MYL4: variants seen among roughly 807,000 people sequenced by gnomAD.
The protein encoded by MYL4 is atrial myosin light chain 1.
In MYL4, 16 loss-of-function variants were observed where a neutral mutation model predicts 21.6. The observed-to-expected ratio is 0.74, with a 90% CI of 0.50 to 1.12. The LOEUF is 1.12. Among genes scored for constraint, MYL4 ranks in the 50% most tolerant of loss-of-function variants. The pLI is 0.00. For missense variants in MYL4, 249 were observed against 252.9 expected, an observed-to-expected ratio of 0.98 and a Z score of 0.11; for synonymous variants, 82 against 95.7, an observed-to-expected ratio of 0.86 and a Z score of 0.83.
upstream of MYL4, among the ~76,000 whole-genome samples, chr17:47,195,601 C>T (rs2064686701): frequency 6.6e-6 from 1 of 152,124 alleles, no homozygotes; most frequent in Admixed American, 6.6e-5. Flanking sequence ...TCAGGTGATC[C>T]GCCTGCCATG....
chr17:47,216,778 T>G (rs1457911459), intron 2 of MYL4, among the ~76,000 whole-genome samples: 1 of 151,000 alleles, frequency 6.6e-6, no homozygotes, highest in African/African-American at 2.4e-5. Flanking sequence ...CACCGCAACC[T>G]CCGCCTCCCG....
downstream of MYL4, among the ~76,000 whole-genome samples, chr17:47,225,584 C>A (rs1278952499): frequency 1.3e-5 from 2 of 152,140 alleles, no homozygotes; most frequent in Non-Finnish European, 2.9e-5. Flanking sequence ...GAAAACAGAT[C>A]CTTAAATGGG....
chr17:47,216,436 T>G (rs2064815232), intron 2 of MYL4, among the ~76,000 whole-genome samples: 1 of 152,058 alleles, frequency 6.6e-6, no homozygotes. Flanking sequence ...GGTCTCCTTC[T>G]CTTCCTCCTT....
intron 2 of MYL4, among the ~76,000 whole-genome samples, chr17:47,215,971 G>T (rs542156365): frequency 2.0e-5 from 3 of 152,076 alleles, no homozygotes; most frequent in African/African-American, 7.2e-5. Context: ...AGAGATGGGG[G>T]TCTCGCTATT....
chr17:47,211,852 A>G (rs2064778285), intron 1 of MYL4, among the ~76,000 whole-genome samples: 1 of 141,984 alleles, frequency 7.0e-6, no homozygotes, highest in Admixed American at 6.9e-5. Flanking sequence ...AACCACCACC[A>G]GTGGAGAGGG....
upstream of MYL4, among the ~76,000 whole-genome samples, chr17:47,206,024 G>A (rs114538058): frequency 6.6e-6 from 1 of 152,106 alleles, no homozygotes. Flanking sequence ...GAACATCTTC[G>A]AATGTTTCCT....
upstream of MYL4, among the ~76,000 whole-genome samples, chr17:47,205,725 A>G (rs1229240431): frequency 2.0e-5 from 3 of 152,204 alleles, no homozygotes; most frequent in East Asian, 1.9e-4. Context: ...GTGGTTGGGC[A>G]TGCCTTCTCT....
intron 2 of MYL4, among the ~76,000 whole-genome samples, chr17:47,217,272 C>T (rs1033404038): frequency 1.3e-5 from 2 of 151,920 alleles, no homozygotes; most frequent in African/African-American, 4.8e-5. Flanking sequence ...GCCTGGCCAA[C>T]GTGGTGAAAC....
At chr17:47,211,517 T>C (rs1444766732) in intron 1 of MYL4, among the ~76,000 whole-genome samples, 1 of 152,246 alleles carries the variant, frequency 6.6e-6, no homozygotes, top group Non-Finnish European at 1.5e-5. Flanking sequence ...TGTTTATTCC[T>C]GGTTCTTAAA....
upstream of MYL4, among the ~76,000 whole-genome samples, chr17:47,208,550 TACACACACACACACAC>T (rs55886095): frequency 5.5e-5 from 8 of 145,870 alleles, no homozygotes; most frequent in African/African-American, 2.0e-4. Context: ...TAGTAAGCAC[TACACACACACACACAC>T]ACACACACAC....
At chr17:47,211,364 A>T (rs1407213993) in intron 1 of MYL4, among the ~76,000 whole-genome samples, 2 of 152,144 alleles carry the variant, frequency 1.3e-5, no homozygotes, top group Admixed American at 1.3e-4. Flanking sequence ...CCTGGGCAAC[A>T]TGGCAAGATC....
At chr17:47,193,140 C>T in the MYL4 span, among the ~76,000 whole-genome samples, 4 of 152,048 alleles carry the variant, frequency 2.6e-5, no homozygotes, top group Admixed American at 2.0e-4. Flanking sequence ...GTTTTATGGC[C>T]TCCTTACCTG....
At chr17:47,210,145 T>C (rs1461413929) in intron 1 of MYL4, among the ~76,000 whole-genome samples, 1 of 152,176 alleles carries the variant, frequency 6.6e-6, no homozygotes, top group Non-Finnish European at 1.5e-5. Flanking sequence ...AGACGGGCCT[T>C]TCCTTCTGTG....
chr17:47,206,415 C>G (rs1345558034), upstream of MYL4, among the ~76,000 whole-genome samples: 1 of 152,146 alleles, frequency 6.6e-6, no homozygotes, highest in Non-Finnish European at 1.5e-5. Flanking sequence ...TGTAGAATAA[C>G]TACAACAATA....
At chr17:47,202,132 C>T (rs150818667) in intron 1 of MYL4, among the ~76,000 whole-genome samples, 2,470 of 152,104 alleles carry the variant, frequency 0.016, 55 homozygotes, top group African/African-American at 0.056. Context: ...ATTACAGGCA[C>T]GTGCCACCAC....
At chr17:47,216,016 C>T (rs1162076777) in intron 2 of MYL4, among the ~76,000 whole-genome samples, 1 of 151,816 alleles carries the variant, frequency 6.6e-6, no homozygotes, top group African/African-American at 2.4e-5. Context: ...TGGCCTCAAG[C>T]AATCCTCCCA....
chr17:47,223,206 C>A, intron 6 of MYL4, 149 bp downstream of exon 6: 1 of 730,954 alleles, frequency 1.4e-6, no homozygotes, highest in South Asian at 1.8e-5. Context: ...CCTGCTCACT[C>A]ACCATCTCCT....
upstream of MYL4, among the ~76,000 whole-genome samples, chr17:47,206,972 A>G (rs2064730332): frequency 4.6e-5 from 7 of 152,098 alleles, no homozygotes; most frequent in Admixed American, 4.6e-4. Context: ...TGAACTCCCA[A>G]CCCCTGTGGG....
chr17:47,202,214 G>A (rs947736644), intron 1 of MYL4, among the ~76,000 whole-genome samples: 3 of 152,192 alleles, frequency 2.0e-5, no homozygotes, highest in Admixed American at 6.5e-5. Context: ...TCAAACTCCT[G>A]ACCTGAAGTG....
Sources: allele counts gnomAD v4.1 joint callset (sites outside exome capture counted in the v4.1 genomes callset), GRCh38; gene constraint gnomAD v4.1.1; transcripts MANE v1.5; gene names NCBI Gene and HGNC (gene_info 2026-07-23, HGNC 2026-07-21).